Variants in PRKCH observed in about 807,000 individuals in gnomAD.
PRKCH encodes protein kinase C eta.
PRKCH carries 28 observed loss-of-function variants against 82.5 expected under a neutral mutation model. The observed-to-expected ratio is 0.34, with a 90% confidence interval of 0.25 to 0.47. The LOEUF is 0.47. PRKCH is among the 20% of genes least tolerant of loss of function. The pLI is 1.00. For synonymous variants in PRKCH, 322 were observed against 327.4 expected, an observed-to-expected ratio of 0.98 and a Z score of 0.18; for missense variants, 705 against 881.8, an observed-to-expected ratio of 0.80 and a Z score of 2.54.
intron 1 of PRKCH, among the ~76,000 whole-genome samples, chr14:61,328,335 C>T (rs1422608649): frequency 7.1e-6 from 1 of 140,932 alleles, no homozygotes; most frequent in Non-Finnish European, 1.5e-5. Context: ...GATTGAAAAC[C>T]TTGTGTATGG....
At chr14:61,462,073 G>T (rs1358110823) in intron 9 of PRKCH, among the ~76,000 whole-genome samples, 1 of 152,174 alleles carries the variant, frequency 6.6e-6, no homozygotes, top group African/African-American at 2.4e-5. Flanking sequence ...ATGTACCCCT[G>T]CTTTAGGCTA....
At chr14:61,454,387 G>A (rs1884662416) in intron 7 of PRKCH, among the ~76,000 whole-genome samples, 1 of 152,166 alleles carries the variant, frequency 6.6e-6, no homozygotes, top group Non-Finnish European at 1.5e-5. Flanking sequence ...ACAGGCATGA[G>A]CTGCCACGCC....
chr14:61,528,811 G>A (rs1306858468), intron 10 of PRKCH: 6 of 274,134 alleles, frequency 2.2e-5, no homozygotes, highest in Non-Finnish European at 2.8e-5. Flanking sequence ...TTACAGGACA[G>A]CCTACATTTT....
chr14:61,533,402 T>G (rs1470052886), intron 12 of PRKCH, among the ~76,000 whole-genome samples: 1 of 151,722 alleles, frequency 6.6e-6, no homozygotes, highest in Admixed American at 6.6e-5. Context: ...GATGAAAACA[T>G]TCAGCTAGTC....
At chr14:61,532,116 A>G (rs1457380694) in intron 12 of PRKCH, among the ~76,000 whole-genome samples, 2 of 152,214 alleles carry the variant, frequency 1.3e-5, no homozygotes, top group Non-Finnish European at 2.9e-5. Flanking sequence ...GGCCTGCAAC[A>G]GCCACCTTCA....
intron 9 of PRKCH, among the ~76,000 whole-genome samples, chr14:61,484,754 A>ATTTGGCTTCCT (rs1334427598): frequency 7.6e-6 from 1 of 131,294 alleles, no homozygotes; most frequent in Non-Finnish European, 1.6e-5. Flanking sequence ...TGAGGCTGTC[A>ATTTGGCTTCCT]TTTGGCTTCC....
At chr14:61,349,848 G>A (rs1566832359) in intron 1 of PRKCH, among the ~76,000 whole-genome samples, 1 of 151,968 alleles carries the variant, frequency 6.6e-6, no homozygotes, top group Admixed American at 6.6e-5. Context: ...GCAACAGAAC[G>A]AGACTCCATC....
intron 10 of PRKCH, among the ~76,000 whole-genome samples, chr14:61,503,061 G>A (rs1414898701): frequency 1.5e-5 from 2 of 131,494 alleles, no homozygotes; most frequent in Non-Finnish European, 3.1e-5. Context: ...AAAATATACT[G>A]TGGCGGTGAA....
At chr14:61,397,225 G>A (rs1218250254) in intron 2 of PRKCH, among the ~76,000 whole-genome samples, 1 of 152,186 alleles carries the variant, frequency 6.6e-6, no homozygotes, top group African/African-American at 2.4e-5. Context: ...CACTGGATGT[G>A]GAGGATGAAG....
chr14:61,250,664 G>GATA (rs1187323769), intron 1 of PRKCH, among the ~76,000 whole-genome samples: 2 of 152,146 alleles, frequency 1.3e-5, no homozygotes, highest in Admixed American at 1.3e-4. Context: ...TGCAATGGTA[G>GATA]ATACATGTCA....
intron 1 of PRKCH, among the ~76,000 whole-genome samples, chr14:61,299,452 G>A (rs189501930): frequency 7.5e-5 from 11 of 146,078 alleles, no homozygotes; most frequent in Admixed American, 4.2e-4. Context: ...AGATCTTATC[G>A]GGAAGCTGCG....
intron 1 of PRKCH, among the ~76,000 whole-genome samples, chr14:61,225,984 G>T (rs911643318): frequency 6.6e-6 from 1 of 152,148 alleles, no homozygotes; most frequent in Non-Finnish European, 1.5e-5. Flanking sequence ...TCAGGGGTGG[G>T]AATGTTTTTA....
chr14:61,216,716 G>T lies in PRKCH; in HGVS notation c.-19+29048G>T, dbSNP rs774976830. ...CTGCCGAAGGGCTGGTTCTTGAGAT[G>T]TTGTCATGTGGATGGTTTTGACTCG... On this transcript the variant is annotated intron_variant, in intron 1 of 3. Coordinates refer to the PRKCH transcript ENST00000555185. Among the ~76,000 whole-genome samples the T allele has an allele frequency of 3.2e-4, 49 of 152,322 alleles. 1 individual carries two copies. The highest frequency in any genetic ancestry group is 1.1e-3 in the Admixed American group (17 of 15,302).
intron 1 of PRKCH, among the ~76,000 whole-genome samples, chr14:61,203,770 G>A (rs2044501020): frequency 6.6e-6 from 1 of 152,110 alleles, no homozygotes; most frequent in Non-Finnish European, 1.5e-5. Context: ...GATCCCAGGA[G>A]GTTGAGGCTG....
At chr14:61,247,621 A>G (rs193231874) in intron 1 of PRKCH, among the ~76,000 whole-genome samples, 7 of 150,906 alleles carry the variant, frequency 4.6e-5, no homozygotes, top group Admixed American at 4.0e-4. Context: ...CTGTAATCCC[A>G]GCTACTTGGG....
At chr14:61,353,322 A>G (rs1463771730) in intron 1 of PRKCH, among the ~76,000 whole-genome samples, 2 of 152,236 alleles carry the variant, frequency 1.3e-5, no homozygotes, top group African/African-American at 4.8e-5. Context: ...AAAAATGATT[A>G]AAGATACTTA....
chr14:61,358,571 A>G (rs998199622), intron 1 of PRKCH, among the ~76,000 whole-genome samples: 4 of 151,702 alleles, frequency 2.6e-5, no homozygotes, highest in East Asian at 1.9e-4. Flanking sequence ...TGCCTCCTTT[A>G]TGTTCCTGTG....
In PRKCH at chr14:61,197,742, G is replaced by A. The variant is rs570505809; in HGVS notation, c.-19+10074G>A. 7.2e-5 allele frequency among the ~76,000 whole-genome samples: 11 copies of A among 152,280 alleles called. 1 individual carries two copies. In the South Asian group the frequency reaches 2.3e-3, roughly 32 times the overall value. On this transcript the variant is annotated intron_variant, in intron 1 of 3. Coordinates refer to the PRKCH transcript ENST00000555185. The stretch of plus-strand genomic sequence containing the variant: ...ATTAAGTTTCAACATGAGTGTTGGA[G>A]GGGAGAAACACAAACCAACACTATA...
intron 1 of PRKCH, among the ~76,000 whole-genome samples, chr14:61,291,577 G>A (rs570218444): frequency 5.9e-5 from 9 of 152,084 alleles, no homozygotes; most frequent in East Asian, 3.9e-4. Flanking sequence ...TGATCTGCCC[G>A]CCTCGGCCTC....
Sources: gnomAD v4.1 joint callset for allele counts (sites outside exome capture counted in the v4.1 genomes callset) on GRCh38, gnomAD v4.1.1 for gene constraint, MANE v1.5 for transcripts, NCBI Gene and HGNC (gene_info 2026-07-23, HGNC 2026-07-21) for gene names.